SEC24D: variants seen among roughly 807,000 people sequenced by gnomAD.
SEC24D encodes the protein SEC24 homolog D, COPII component.
Under a neutral mutation model 116.9 loss-of-function variants are expected in SEC24D, and 69 were observed. The ratio of observed to expected loss-of-function variants is 0.59; its 90% confidence interval spans 0.49 to 0.72. The LOEUF is 0.72. Among genes scored for constraint, SEC24D ranks in the 30% least tolerant of loss-of-function variants. The probability of loss-of-function intolerance (pLI) is 0.00; values close to 1 mark genes in which losing one functional copy is unlikely to be tolerated. For synonymous variants in SEC24D, 405 were observed against 442.8 expected (o/e 0.91, Z 1.07); for missense variants, 1,131 against 1,264.1 (o/e 0.89, Z 1.60).
chr4:118,726,357 AAT>A (rs1445917508), intron 22 of SEC24D, among the ~76,000 whole-genome samples: 3 of 152,158 alleles, frequency 2.0e-5, no homozygotes, highest in African/African-American at 7.2e-5. Flanking sequence ...GACAGGAGAG[AAT>A]TTGAGGAAGT....
rs573699343 is a variant in SEC24D at position 118,740,755 on chromosome 4, C to T, written c.2146G>A (p.Val716Ile). The T allele has an allele frequency of 1.2e-6, 2 of 1,613,968 alleles. No individual in the cohort carries two copies. Among genetic ancestry groups the T allele is most frequent in the East Asian group, 2.2e-5 (1 of 44,866 alleles). ...GGILMNNTTDVEMAAIDCDKA... is the reference protein window; with the variant it reads ...GGILMNNTTDIEMAAIDCDKA... Reference sequence around the variant, plus strand: ...TCACAATCGATGGCAGCCATTTCTACATCGGTGGTGTTGTTCATCAAGATT... The same window carrying T: ...TCACAATCGATGGCAGCCATTTCTATATCGGTGGTGTTGTTCATCAAGATT... The change falls in exon 17 of 23, where the codon GTA (valine) becomes ATA (isoleucine). Residue 716 changes from valine to isoleucine, a missense_variant. Coordinates refer to ENST00000280551, the MANE Select transcript of SEC24D (RefSeq NM_014822.4).
chr4:118,834,483 AT>A (rs144976559), intron 1 of SEC24D, among the ~76,000 whole-genome samples: 6,658 of 152,126 alleles, frequency 0.044, 201 homozygotes, highest in Non-Finnish European at 0.064. Context: ...ACTCATCTTG[AT>A]TTTTTTTAAA....
At chr4:118,793,323 C>T (rs1004762995) in intron 8 of SEC24D, among the ~76,000 whole-genome samples, 3 of 151,250 alleles carry the variant, frequency 2.0e-5, no homozygotes, top group Admixed American at 6.6e-5. Flanking sequence ...AAAAATTAGC[C>T]GGGCGTAGTG....
chr4:118,745,995 G>A (rs1006073967), intron 13 of SEC24D, among the ~76,000 whole-genome samples: 5 of 152,060 alleles, frequency 3.3e-5, no homozygotes, highest in Non-Finnish European at 7.4e-5. Context: ...AGGCAACATA[G>A]TGAGACTCTT....
At chr4:118,780,907 C>A (rs76466642) in intron 8 of SEC24D, among the ~76,000 whole-genome samples, 11,071 of 61,774 alleles carry the variant, frequency 0.18, 738 homozygotes, top group South Asian at 0.26. Flanking sequence ...GCAACCCCTG[C>A]TTTTTTTTTT....
intron 11 of SEC24D, among the ~76,000 whole-genome samples, chr4:118,753,231 C>T (rs933544419): frequency 5.3e-5 from 8 of 152,010 alleles, no homozygotes; most frequent in Middle Eastern, 3.2e-3. Flanking sequence ...TCCTTATAAA[C>T]AAGGCTCTCT....
intron 8 of SEC24D, among the ~76,000 whole-genome samples, chr4:118,777,640 TG>T: frequency 1.3e-5 from 2 of 152,354 alleles, no homozygotes; most frequent in Middle Eastern, 6.8e-3. Flanking sequence ...ATGGGATTGC[TG>T]GGTCAAATGG....
chr4:118,776,546 C>CA (rs1214021158), intron 8 of SEC24D, among the ~76,000 whole-genome samples: 2 of 152,062 alleles, frequency 1.3e-5, no homozygotes, highest in East Asian at 3.9e-4. Flanking sequence ...GATTCTTAAG[C>CA]AAAAAATGGT....
chr4:118,806,336 A>T (rs911947833), intron 6 of SEC24D, among the ~76,000 whole-genome samples: 4 of 151,010 alleles, frequency 2.6e-5, no homozygotes, highest in Admixed American at 1.3e-4. Context: ...TTATTTATTT[A>T]TTTTTTTTCA....
chr4:118,793,960 T>C (rs186285489), intron 8 of SEC24D, among the ~76,000 whole-genome samples: 25 of 152,298 alleles, frequency 1.6e-4, no homozygotes, highest in Middle Eastern at 6.8e-3. Context: ...TTTTCACAAG[T>C]AGAGCGTCTC....
intron 8 of SEC24D, among the ~76,000 whole-genome samples, chr4:118,782,432 T>C (rs929794005): frequency 7.9e-5 from 12 of 152,202 alleles, no homozygotes; most frequent in Non-Finnish European, 1.5e-5. Context: ...ACAGCAAATA[T>C]TGCAGAACAG....
intron 11 of SEC24D, 77 bp from the exon 12 acceptor site, chr4:118,752,965 A>C (rs1726913816): frequency 9.5e-7 from 1 of 1,055,480 alleles, no homozygotes; most frequent in Non-Finnish European, 1.4e-6. Context: ...AAATTCAGTA[A>C]GTGTGTCTTC....
intron 7 of SEC24D, among the ~76,000 whole-genome samples, chr4:118,800,191 C>G (rs1036287822): frequency 4.6e-5 from 7 of 151,666 alleles, no homozygotes; most frequent in African/African-American, 1.5e-4. Flanking sequence ...TGTAAAGCAG[C>G]TAAAAGAAAG....
At chr4:118,768,112 A>C in intron 9 of SEC24D, 61 bp downstream of exon 9, 4 of 1,395,364 alleles carry the variant, frequency 2.9e-6, no homozygotes, top group Non-Finnish European at 4.0e-6. Context: ...CTAAACTAAG[A>C]AGTATAATAC....
At position 118,744,011 on chromosome 4, in the gene SEC24D, G is replaced by A. The variant is rs1726365099; in HGVS notation, c.1972C>T (p.Leu658Phe). The A allele has an allele frequency of 6.2e-7, 1 of 1,604,290 alleles. No homozygotes were observed. The highest frequency in any genetic ancestry group is 1.1e-5 in the South Asian group (1 of 88,734). ...ACCTGGAAATTGTTGTATTTGTAAA[G>A]GGTTCCTCCAGTGAGCTGAGGAACC... is the stretch of plus-strand genomic sequence containing the variant. ...GLVPQLTGGT[L>F]YKYNNFQMHL... Residue 658 changes from leucine to phenylalanine, a missense_variant, in exon 15 of 23, where the codon CTT becomes TTT. Coordinates refer to ENST00000280551, the MANE Select transcript of SEC24D (RefSeq NM_014822.4).
At chr4:118,788,699 T>C (rs1728759697) in intron 8 of SEC24D, among the ~76,000 whole-genome samples, 1 of 152,230 alleles carries the variant, frequency 6.6e-6, no homozygotes, top group Non-Finnish European at 1.5e-5. Context: ...GGTAGTCATT[T>C]AAAAGACATG....
chr4:118,779,769 C>T (rs1414015843), intron 8 of SEC24D, among the ~76,000 whole-genome samples: 1 of 152,114 alleles, frequency 6.6e-6, no homozygotes, highest in Admixed American at 6.6e-5. Flanking sequence ...TGATTATTGC[C>T]TCAATTTCAG....
chr4:118,806,321 C>CT (rs1175027306), intron 6 of SEC24D, among the ~76,000 whole-genome samples: 1 of 151,872 alleles, frequency 6.6e-6, no homozygotes, highest in Non-Finnish European at 1.5e-5. Flanking sequence ...CATTTTCTTT[C>CT]TTTTTTATTT....
At chr4:118,806,313 TTTTC>T (rs1377519479) in intron 6 of SEC24D, among the ~76,000 whole-genome samples, 1 of 152,052 alleles carries the variant, frequency 6.6e-6, no homozygotes, top group African/African-American at 2.4e-5. Context: ...TAGGTAAGCA[TTTTC>T]TTTCTTTTTT....
Sources: gnomAD v4.1 joint callset for allele counts (sites outside exome capture counted in the v4.1 genomes callset) on GRCh38, gnomAD v4.1.1 for gene constraint, MANE v1.5 for transcripts, NCBI Gene and HGNC (gene_info 2026-07-23, HGNC 2026-07-21) for gene names.